Variants in PCDH9 observed in about 807,000 individuals in gnomAD.
PCDH9 encodes the protein protocadherin 9, also known as protocadherin-9.
A neutral mutation model predicts 70.6 loss-of-function variants in PCDH9; 24 were observed. That is an observed-to-expected ratio of 0.34 (90% confidence interval 0.25 to 0.48). The LOEUF (loss-of-function observed/expected upper bound fraction) is 0.48, where lower values mean the gene tolerates loss of function less well. Ranked by LOEUF, PCDH9 falls within the 20% of genes least tolerant of loss-of-function variation. The pLI is 0.99. For missense variants in PCDH9, 1,281 were observed against 1,503.6 expected (o/e 0.85, Z 2.45); for synonymous variants, 562 against 558.5 (o/e 1.01, Z -0.09).
At chr13:67,213,611 C>G (rs1010792777) in intron 2 of PCDH9, 5 of 151,972 alleles carry the variant, frequency 3.3e-5, no homozygotes, top group African/African-American at 1.2e-4. Context: ...TATCCCAATG[C>G]TATAAAATGG....
intron 3 of PCDH9, among the ~76,000 whole-genome samples, chr13:66,682,248 G>C (rs1055533784): frequency 6.6e-6 from 1 of 151,810 alleles, no homozygotes; most frequent in African/African-American, 2.4e-5. Flanking sequence ...TGGCCCTTTA[G>C]AGGGCCCATC....
chr13:66,362,431 T>G (rs1956486738), intron 4 of PCDH9, among the ~76,000 whole-genome samples: 1 of 152,132 alleles, frequency 6.6e-6, no homozygotes, highest in African/African-American at 2.4e-5. Flanking sequence ...TATGGGAAGA[T>G]CCCAACATTA....
intron 2 of PCDH9, among the ~76,000 whole-genome samples, chr13:67,158,546 G>A (rs964906812): frequency 6.6e-6 from 1 of 152,160 alleles, no homozygotes; most frequent in African/African-American, 2.4e-5. Flanking sequence ...TGAAAAAGTA[G>A]AAGGAGAATC....
At chr13:66,596,195 C>T (rs2077100605) in intron 4 of PCDH9, among the ~76,000 whole-genome samples, 2 of 151,506 alleles carry the variant, frequency 1.3e-5, no homozygotes, top group Admixed American at 1.3e-4. Context: ...TATTTTATTT[C>T]ATGCACAACA....
intron 2 of PCDH9, among the ~76,000 whole-genome samples, chr13:67,147,927 G>T (rs1289369550): frequency 6.6e-6 from 1 of 152,054 alleles, no homozygotes. Context: ...TGCATTACAT[G>T]CAGGATAAAA....
chr13:66,946,629 A>G (rs1012747520), intron 2 of PCDH9, among the ~76,000 whole-genome samples: 1 of 152,188 alleles, frequency 6.6e-6, no homozygotes, highest in Non-Finnish European at 1.5e-5. Context: ...ATACTAAATT[A>G]TAACAGCTTT....
At chr13:66,890,203 T>TGCATA (rs2082072796) in intron 3 of PCDH9, among the ~76,000 whole-genome samples, 1 of 152,154 alleles carries the variant, frequency 6.6e-6, no homozygotes, top group Non-Finnish European at 1.5e-5. Flanking sequence ...TTTCTCTTCC[T>TGCATA]GCATAGCATC....
chr13:66,847,531 C>T (rs1284391502), intron 3 of PCDH9, among the ~76,000 whole-genome samples: 2 of 152,158 alleles, frequency 1.3e-5, no homozygotes, highest in Non-Finnish European at 2.9e-5. Context: ...TCAACAATTT[C>T]ACAAATAGAA....
chr13:66,767,624 T>C (rs2079739080), intron 3 of PCDH9, among the ~76,000 whole-genome samples: 1 of 152,010 alleles, frequency 6.6e-6, no homozygotes, highest in South Asian at 2.1e-4. Flanking sequence ...GTTGAACAGC[T>C]TGACAGTAAA....
chr13:66,994,060 C>A (rs1330875163), intron 2 of PCDH9, among the ~76,000 whole-genome samples: 3 of 151,930 alleles, frequency 2.0e-5, no homozygotes. Context: ...TGAAAAATTG[C>A]GAGAAAAACT....
At chr13:66,573,105 C>T (rs1366650830) in intron 4 of PCDH9, among the ~76,000 whole-genome samples, 1 of 152,032 alleles carries the variant, frequency 6.6e-6, no homozygotes, top group East Asian at 1.9e-4. Context: ...TACTCTTTAT[C>T]TTTTTGATGG....
intron 3 of PCDH9, among the ~76,000 whole-genome samples, chr13:66,803,076 C>G (rs1336025084): frequency 6.6e-6 from 1 of 150,718 alleles, no homozygotes; most frequent in Non-Finnish European, 1.5e-5. Flanking sequence ...TGACTACACA[C>G]AGTGTCAAGG....
intron 2 of PCDH9, among the ~76,000 whole-genome samples, chr13:67,115,673 G>A (rs9541006): frequency 0.11 from 16,431 of 151,588 alleles, 943 homozygotes; most frequent in Non-Finnish European, 0.12. Context: ...TTGATTATCC[G>A]CCTCTGGATA....
intron 2 of PCDH9, among the ~76,000 whole-genome samples, chr13:66,921,359 G>A (rs1234731914): frequency 4.0e-5 from 6 of 151,136 alleles, no homozygotes; most frequent in Admixed American, 2.0e-4. Flanking sequence ...TTAAAAAACC[G>A]AAAAAGCAAA....
intron 2 of PCDH9, chr13:67,218,617 T>C (rs568828028): frequency 6.6e-6 from 1 of 152,112 alleles, no homozygotes; most frequent in Non-Finnish European, 1.5e-5. Flanking sequence ...AATGTTAAAA[T>C]ACAAGATATT....
At chr13:67,139,126 T>G (rs1300571837) in intron 2 of PCDH9, among the ~76,000 whole-genome samples, 1 of 152,224 alleles carries the variant, frequency 6.6e-6, no homozygotes, top group Non-Finnish European at 1.5e-5. Context: ...TGCCATGTCT[T>G]ATTTTGCATA....
intron 3 of PCDH9, among the ~76,000 whole-genome samples, chr13:66,662,253 A>C (rs1021254355): frequency 6.6e-6 from 1 of 152,008 alleles, no homozygotes; most frequent in Non-Finnish European, 1.5e-5. Context: ...CGGGCGGATC[A>C]CCTAAGGTTG....
At chr13:66,491,385 T>TTTTGTGTGTGTGTGTGTGTG (rs1555299288) in intron 4 of PCDH9, among the ~76,000 whole-genome samples, 2 of 136,030 alleles carry the variant, frequency 1.5e-5, no homozygotes, top group African/African-American at 2.8e-5. Context: ...GCAGGAGATA[T>TTTTGTGTGTGTGTGTGTGTG]TGTGTGTGTG....
chr13:66,417,277 GT>G (rs1421047961), intron 4 of PCDH9, among the ~76,000 whole-genome samples: 1 of 152,096 alleles, frequency 6.6e-6, no homozygotes, highest in Non-Finnish European at 1.5e-5. Context: ...AATATGTGGT[GT>G]TTGGTTTTCT....
Sources: allele counts gnomAD v4.1 joint callset (sites outside exome capture counted in the v4.1 genomes callset), GRCh38; gene constraint gnomAD v4.1.1; transcripts MANE v1.5; gene names NCBI Gene and HGNC (gene_info 2026-07-23, HGNC 2026-07-21).